The following FSTL4 variants were observed in gnomAD, a reference collection of about 807,000 sequenced individuals.
FSTL4 encodes the protein follistatin-related protein 4.
Under a neutral mutation model 78.2 loss-of-function variants are expected in FSTL4, and 28 were observed. The ratio of observed to expected loss-of-function variants is 0.36; its 90% CI spans 0.27 to 0.49. The LOEUF (loss-of-function observed/expected upper bound fraction) is 0.49. Ranked by LOEUF, FSTL4 falls within the 20% of genes least tolerant of loss-of-function variation. The pLI, the probability that FSTL4 is intolerant of heterozygous loss-of-function variation, is 0.98. For synonymous variants in FSTL4, 422 were observed against 440.5 expected (o/e 0.96, Z 0.53); for missense variants, 922 against 1,084.9 (o/e 0.85, Z 2.11).
chr5:133,722,958 T>A, the FSTL4 span, among the ~76,000 whole-genome samples: 49 of 152,258 alleles, frequency 3.2e-4, no homozygotes, highest in African/African-American at 1.0e-3. Context: ...GTCAAAGGCG[T>A]TAGTGATCCT....
chr5:133,544,751 A>T (rs1169856840), intron 3 of FSTL4, among the ~76,000 whole-genome samples: 1 of 152,234 alleles, frequency 6.6e-6, no homozygotes, highest in Admixed American at 6.5e-5. Flanking sequence ...GAGCCCCAAA[A>T]GCCTGAATAG....
At chr5:133,739,087 A>G in the FSTL4 span, among the ~76,000 whole-genome samples, 1 of 152,034 alleles carries the variant, frequency 6.6e-6, no homozygotes, top group Non-Finnish European at 1.5e-5. Context: ...AGGCAACAGG[A>G]TGGCTACACA....
At chr5:133,454,425 G>A (rs1303183461) in intron 3 of FSTL4, among the ~76,000 whole-genome samples, 2 of 152,162 alleles carry the variant, frequency 1.3e-5, no homozygotes, top group African/African-American at 4.8e-5. Context: ...TTTTCTGAAT[G>A]GTGGGTTTGC....
chr5:133,228,991 T>C (rs201360015), intron 8 of FSTL4, among the ~76,000 whole-genome samples: 4 of 152,182 alleles, frequency 2.6e-5, no homozygotes, highest in Admixed American at 6.5e-5. Context: ...TAAGGATTAA[T>C]TGGTACGTAA....
intron 2 of FSTL4, among the ~76,000 whole-genome samples, chr5:133,598,045 GTTGT>G (rs1374350729): frequency 6.6e-6 from 1 of 152,094 alleles, no homozygotes; most frequent in East Asian, 1.9e-4. Context: ...TAGAACCAAG[GTTGT>G]TTAAGTTCAT....
intron 3 of FSTL4, among the ~76,000 whole-genome samples, chr5:133,510,648 C>G (rs1758710460): frequency 6.6e-6 from 1 of 152,048 alleles, no homozygotes; most frequent in African/African-American, 2.4e-5. Context: ...TCCAAGAGAA[C>G]TGGGGGAAAA....
At chr5:133,816,269 C>A in the FSTL4 span, among the ~76,000 whole-genome samples, 4 of 152,318 alleles carry the variant, frequency 2.6e-5, no homozygotes, top group South Asian at 8.3e-4. Flanking sequence ...ACTCCAAATA[C>A]ATGGTTCCCA....
intron 3 of FSTL4, among the ~76,000 whole-genome samples, chr5:133,469,234 T>A (rs1757770423): frequency 6.6e-6 from 1 of 152,196 alleles, no homozygotes; most frequent in Admixed American, 6.5e-5. Context: ...ATCAAGGTGA[T>A]AGATTCTCCT....
the FSTL4 span, among the ~76,000 whole-genome samples, chr5:133,811,342 G>A: frequency 2.0e-5 from 3 of 152,044 alleles, no homozygotes; most frequent in African/African-American, 7.3e-5. Context: ...TATTCTCCCT[G>A]CCCTTCAAGG....
At chr5:133,769,795 C>T in the FSTL4 span, among the ~76,000 whole-genome samples, 1 of 152,098 alleles carries the variant, frequency 6.6e-6, no homozygotes, top group African/African-American at 2.4e-5. Context: ...TTAGTGTACC[C>T]ATCACCTGAA....
At chr5:133,598,566 A>C (rs1369103906) in intron 2 of FSTL4, among the ~76,000 whole-genome samples, 2 of 151,998 alleles carry the variant, frequency 1.3e-5, no homozygotes, top group African/African-American at 4.8e-5. Flanking sequence ...GTACCTGAAA[A>C]ACGAATATCC....
chr5:133,623,526 G>A, the FSTL4 span, among the ~76,000 whole-genome samples: 2 of 151,862 alleles, frequency 1.3e-5, no homozygotes, highest in Non-Finnish European at 2.9e-5. Flanking sequence ...CTAAACAAAA[G>A]AGCTAAAAAC....
At chr5:133,837,535 T>G in the FSTL4 span, among the ~76,000 whole-genome samples, 77 of 152,250 alleles carry the variant, frequency 5.1e-4, no homozygotes, top group Non-Finnish European at 9.6e-4. Context: ...AGAGGGTTCA[T>G]GTTTGTTTCT....
the FSTL4 span, among the ~76,000 whole-genome samples, chr5:133,662,468 C>T: frequency 5.6e-3 from 855 of 152,224 alleles, 13 homozygotes; most frequent in African/African-American, 0.02. Flanking sequence ...AGCATACAGA[C>T]CCCCTATGAA....
chr5:133,484,304 C>A (rs1231995426), intron 3 of FSTL4, among the ~76,000 whole-genome samples: 2 of 152,212 alleles, frequency 1.3e-5, no homozygotes, highest in Admixed American at 1.3e-4. Context: ...GCTTCTCACA[C>A]AGAACTTTGA....
chr5:133,249,177 C>T (rs554277864), intron 7 of FSTL4, among the ~76,000 whole-genome samples: 27 of 152,348 alleles, frequency 1.8e-4, no homozygotes, highest in East Asian at 7.7e-4. Flanking sequence ...TCCCACCCAT[C>T]GCATCTCTCT....
At chr5:133,312,824 G>A (rs1336726243) in intron 5 of FSTL4, 47 bp from the exon 6 acceptor site, 1 of 1,603,864 alleles carries the variant, frequency 6.2e-7, no homozygotes. Context: ...TGAGTTTAGA[G>A]TCATAGGCAT....
intron 13 of FSTL4, among the ~76,000 whole-genome samples, chr5:133,215,017 C>T (rs962536167): frequency 1.3e-5 from 2 of 152,204 alleles, no homozygotes; most frequent in African/African-American, 4.8e-5. Flanking sequence ...TGAATCCACT[C>T]CAGCAGGCTT....
At position 133,225,825 on chromosome 5, in the gene FSTL4, G is replaced by A. The variant is rs1193130515; in HGVS notation, c.1016-6C>T. Reference sequence around the variant, plus strand: ...GACACGGATGACTGGCGGCACTGTGGGTGAGAGTCAGTGCTGGTGAGAAAG... The same window carrying A: ...GACACGGATGACTGGCGGCACTGTGAGTGAGAGTCAGTGCTGGTGAGAAAG... On this transcript the variant is annotated splice_region_variant and splice_polypyrimidine_tract_variant and intron_variant, in intron 8 of 15. Transcript: ENST00000265342. The surrounding 1 kb of genome is among the most constrained non-coding windows in gnomAD (Gnocchi z 4.6). 6.4e-7 allele frequency: 1 copy of A among 1,562,050 alleles called. No individual in the cohort carries two copies. Among genetic ancestry groups the A allele is most frequent in the East Asian group, 2.3e-5 (1 of 43,962 alleles).
Sources: allele counts gnomAD v4.1 joint callset (sites outside exome capture counted in the v4.1 genomes callset), GRCh38; gene constraint gnomAD v4.1.1; non-coding constraint Gnocchi (gnomAD v3.1); transcripts MANE v1.5; gene names NCBI Gene and HGNC (gene_info 2026-07-23, HGNC 2026-07-21).